The following DACH1 variants were observed in gnomAD, a reference collection of about 807,000 sequenced individuals.
DACH1 encodes the protein dachshund homolog 1.
A neutral mutation model predicts 54.2 loss-of-function variants in DACH1; 12 were observed. That is an observed-to-expected ratio of 0.22 (90% CI 0.14 to 0.36). The LOEUF (loss-of-function observed/expected upper bound fraction) is 0.36. Among genes scored for constraint, DACH1 ranks in the 10% least tolerant of loss-of-function variants. The pLI is 1.00. For missense variants in DACH1, 805 were observed against 929.8 expected, an observed-to-expected ratio of 0.87 and a Z score of 1.75; for synonymous variants, 386 against 366.2, an observed-to-expected ratio of 1.05 and a Z score of -0.62.
At chr13:71,571,668 T>G (rs1373050300) in intron 4 of DACH1, among the ~76,000 whole-genome samples, 1 of 151,976 alleles carries the variant, frequency 6.6e-6, no homozygotes, top group African/African-American at 2.4e-5. Context: ...TTTAGAGCCA[T>G]TAATATAAGA....
intron 6 of DACH1, among the ~76,000 whole-genome samples, chr13:71,493,049 A>G (rs1879122298): frequency 6.8e-6 from 1 of 146,578 alleles, no homozygotes; most frequent in Non-Finnish European, 1.5e-5. Flanking sequence ...TTTTATGGGC[A>G]TGTAGTAAGC....
chr13:71,592,771 A>G (rs1241183150), intron 3 of DACH1, among the ~76,000 whole-genome samples: 1 of 152,162 alleles, frequency 6.6e-6, no homozygotes, highest in African/African-American at 2.4e-5. Flanking sequence ...AATTTTCACA[A>G]GAGAAAAAGC....
intron 6 of DACH1, among the ~76,000 whole-genome samples, chr13:71,540,190 C>A (rs1026670605): frequency 4.6e-5 from 7 of 151,640 alleles, no homozygotes; most frequent in Non-Finnish European, 1.5e-5. Context: ...TAAAAGTATA[C>A]CTGGTACATT....
chr13:71,567,377 A>C (rs575259760), intron 4 of DACH1, among the ~76,000 whole-genome samples: 46 of 152,154 alleles, frequency 3.0e-4, no homozygotes, highest in African/African-American at 1.1e-3. Context: ...ATGCACTACA[A>C]ACCCAAAAGT....
chr13:71,475,790 G>C lies in DACH1; in HGVS notation c.1930C>G (p.Leu644Val). The change falls in exon 9 of 11, where the codon CTT (leucine) becomes GTT (valine). Residue 644 changes from leucine to valine, a missense_variant. Coordinates refer to ENST00000613252, the MANE Select transcript of DACH1 (RefSeq NM_080759.6). ...TCACGCCGTTTCGTCTCAAACTCAA[G>C]TGCTTCCTGCAATTTTCTCTTTGCC... Reference protein sequence around the residue: ...KKAKRKLQEALEFETKRREQA... With the variant: ...KKAKRKLQEAVEFETKRREQA... 6.2e-7 allele frequency: 1 copy of C among 1,613,610 alleles called. No homozygotes were observed. The highest frequency in any genetic ancestry group is 8.5e-7 in the Non-Finnish European group (1 of 1,179,858).
At position 71,834,859 on chromosome 13, in the gene DACH1, A is replaced by G. The variant is rs573819798; in HGVS notation, c.848+31063T>C. On this transcript the variant is annotated intron_variant, in intron 1 of 10. Transcript: ENST00000613252. Reference sequence around the variant, plus strand: ...TTTTGGAAGCTGAATAGATACCCACATATTTGTCGGCATTCTGAAAATCCC... The same window carrying G: ...TTTTGGAAGCTGAATAGATACCCACGTATTTGTCGGCATTCTGAAAATCCC... 7.2e-5 allele frequency among the ~76,000 whole-genome samples: 11 copies of G among 152,212 alleles called. No individual in the cohort carries two copies. In the South Asian group the frequency reaches 1.2e-3, roughly 17 times the overall value.
chr13:71,782,634 C>T lies in DACH1; in HGVS notation c.848+83288G>A, dbSNP rs572039250. On this transcript the variant is annotated intron_variant, in intron 1 of 10. Coordinates refer to ENST00000613252, the MANE Select transcript of DACH1 (RefSeq NM_080759.6). The stretch of plus-strand genomic sequence containing the variant: ...AAATCTCCCATAAAAATCACAGCAT[C>T]AGGAACTATCTTAGTCATCAGCATC... Among the ~76,000 whole-genome samples, 20 of 152,182 alleles carry T rather than the reference C, an allele frequency of 1.3e-4. No individual in the cohort carries two copies. The South Asian group carries it at 4.1e-3, about 32-fold the overall frequency.
chr13:71,577,185 C>T (rs574305024), intron 3 of DACH1, among the ~76,000 whole-genome samples: 1 of 152,282 alleles, frequency 6.6e-6, no homozygotes, highest in South Asian at 2.1e-4. Context: ...CTGATGCCCA[C>T]TTTCTCCAGC....
intron 2 of DACH1, among the ~76,000 whole-genome samples, chr13:71,656,787 A>G (rs1879117023): frequency 1.3e-5 from 2 of 149,532 alleles, no homozygotes; most frequent in Non-Finnish European, 3.0e-5. Flanking sequence ...CAGAATATAT[A>G]TATTCTGACT....
intron 1 of DACH1, among the ~76,000 whole-genome samples, chr13:71,753,769 A>G (rs768754661): frequency 3.9e-5 from 6 of 152,142 alleles, no homozygotes; most frequent in East Asian, 1.9e-4. Flanking sequence ...GGATTATTCC[A>G]TATTTCCTTT....
Position 71,559,939 on chromosome 13 carries a change from C to T in DACH1, c.1316G>A (p.Ser439Asn). Residue 439 changes from serine to asparagine, a missense_variant, in exon 5 of 11, where the codon AGC (serine) becomes AAC (asparagine). This residue lies in a region of DACH1 where 472 missense variants were observed against 545.3 expected (regional missense o/e 0.87). Transcript: ENST00000613252. Reference sequence around the variant, plus strand: ...CTCCAGAGAGGGGGCAGGTGAGGGGCTATCAGGAACACGCTCCTGCACCAG... The same window carrying T: ...CTCCAGAGAGGGGGCAGGTGAGGGGTTATCAGGAACACGCTCCTGCACCAG... The part of the protein sequence containing the change: ...TSVIKERVPD[S>N]PSPAPSLEEG... 1.9e-6 allele frequency: 3 copies of T among 1,584,398 alleles called. No individual in the cohort carries two copies. The highest frequency in any genetic ancestry group is 1.7e-6 in the Non-Finnish European group (2 of 1,166,364).
chr13:71,758,156 A>T (rs1373933134), intron 1 of DACH1, among the ~76,000 whole-genome samples: 1 of 152,130 alleles, frequency 6.6e-6, no homozygotes, highest in Non-Finnish European at 1.5e-5. Flanking sequence ...AAGTTCATTA[A>T]GCACCGTTTA....
chr13:71,569,294 AC>A (rs1375543133), intron 4 of DACH1, among the ~76,000 whole-genome samples: 1 of 152,024 alleles, frequency 6.6e-6, no homozygotes, highest in Non-Finnish European at 1.5e-5. Flanking sequence ...GTATCGACAA[AC>A]TTTTTTGGTA....
At chr13:71,829,373 AC>A (rs1888500943) in intron 1 of DACH1, among the ~76,000 whole-genome samples, 1 of 151,980 alleles carries the variant, frequency 6.6e-6, no homozygotes, top group South Asian at 2.1e-4. Flanking sequence ...TAATTTTCAA[AC>A]ACAATTAATT....
chr13:71,726,274 G>A (rs377728882), intron 1 of DACH1, among the ~76,000 whole-genome samples: 13 of 152,070 alleles, frequency 8.5e-5, no homozygotes, highest in African/African-American at 2.4e-4. Flanking sequence ...TATGCACATA[G>A]GCACTAGTAT....
chr13:71,839,532 A>G (rs1463099917), intron 1 of DACH1, among the ~76,000 whole-genome samples: 1 of 152,118 alleles, frequency 6.6e-6, no homozygotes, highest in Non-Finnish European at 1.5e-5. Context: ...GTGTGAACTC[A>G]GGAGGTGGAG....
intron 2 of DACH1, among the ~76,000 whole-genome samples, chr13:71,665,662 C>G (rs1879783789): frequency 6.6e-6 from 1 of 151,950 alleles, no homozygotes; most frequent in Non-Finnish European, 1.5e-5. Context: ...CTGAGGTGTT[C>G]TTTTAAAATT....
chr13:71,647,005 T>C (rs1878324170), intron 2 of DACH1, among the ~76,000 whole-genome samples: 1 of 152,230 alleles, frequency 6.6e-6, no homozygotes, highest in Non-Finnish European at 1.5e-5. Context: ...ATGGGTAGCA[T>C]TATGTATACC....
chr13:71,713,949 A>G (rs765593190), intron 1 of DACH1, among the ~76,000 whole-genome samples: 1 of 152,080 alleles, frequency 6.6e-6, no homozygotes, highest in Non-Finnish European at 1.5e-5. Context: ...AATATTAAGA[A>G]AAAATTAATA....
Sources: gnomAD v4.1 joint callset for allele counts (sites outside exome capture counted in the v4.1 genomes callset) on GRCh38, gnomAD v4.1.1 for gene constraint, gnomAD v4.1.1 regional missense constraint, MANE v1.5 for transcripts, NCBI Gene and HGNC (gene_info 2026-07-23, HGNC 2026-07-21) for gene names.